The following POLR3B variants were observed in gnomAD, a reference collection of about 807,000 sequenced individuals.
POLR3B encodes RNA polymerase III subunit B.
A neutral mutation model predicts 147.4 loss-of-function variants in POLR3B; 96 were observed. The observed-to-expected ratio is 0.65, with a 90% CI of 0.55 to 0.77. The LOEUF is 0.77. Among genes scored for constraint, POLR3B ranks in the 30% least tolerant of loss-of-function variants. The probability of loss-of-function intolerance (pLI) is 0.00; values close to 1 mark genes in which losing one functional copy is unlikely to be tolerated. For synonymous variants in POLR3B, 461 were observed against 485.9 expected (o/e 0.95, Z 0.67); for missense variants, 1,036 against 1,413.5 (o/e 0.73, Z 4.28).
In POLR3B at chr12:106,370,476, A is replaced by G. The variant is rs556801887; in HGVS notation, c.404+793A>G. On this transcript the variant is annotated intron_variant, in intron 6 of 27. Coordinates refer to ENST00000228347, the MANE Select transcript of POLR3B (RefSeq NM_018082.6). ...TAGAAGTCCAGATTTTTATGGAAAC[A>G]TGCAGGTTTAACAAATCCTCCTATA... 1.5e-3 allele frequency among the ~76,000 whole-genome samples: 224 copies of G among 152,310 alleles called. 2 individuals are homozygous for G. The highest frequency in any genetic ancestry group is 2.7e-3 in the Non-Finnish European group (182 of 68,004).
In POLR3B at chr12:106,392,952, C is replaced by T. The variant is rs1338299823; in HGVS notation, c.724-79C>T. ...TTTGCTTAGAAGTAATACCCACAAA[C>T]AATGCCAAATTAGCATAAGCAAATG... is the stretch of plus-strand genomic sequence containing the variant. On this transcript the variant is annotated intron_variant, in intron 9 of 27. Coordinates refer to ENST00000228347, the MANE Select transcript of POLR3B (RefSeq NM_018082.6). The T allele has an allele frequency of 4.4e-6, 7 of 1,582,620 alleles. 1 individual carries two copies. In the Admixed American group the frequency reaches 5.1e-5, roughly 11 times the overall value.
chr12:106,495,412 A>G (rs2038464163), intron 23 of POLR3B, among the ~76,000 whole-genome samples: 1 of 152,188 alleles, frequency 6.6e-6, no homozygotes, highest in African/African-American at 2.4e-5. Flanking sequence ...TCAATCAAAG[A>G]TCACTTTCCT....
intron 9 of POLR3B, among the ~76,000 whole-genome samples, chr12:106,388,161 TTC>T (rs1354150056): frequency 1.3e-5 from 2 of 152,186 alleles, no homozygotes; most frequent in East Asian, 3.8e-4. Flanking sequence ...ACTACAAAGG[TTC>T]TCCTGCCCAT....
At chr12:106,402,072 C>G (rs1380775072) in intron 10 of POLR3B, among the ~76,000 whole-genome samples, 1 of 151,662 alleles carries the variant, frequency 6.6e-6, no homozygotes, top group Non-Finnish European at 1.5e-5. Context: ...CCCATCGTCT[C>G]AGCCCAAAAT....
At chr12:106,491,015 CAA>C (rs2038401230) in intron 23 of POLR3B, among the ~76,000 whole-genome samples, 1 of 152,178 alleles carries the variant, frequency 6.6e-6, no homozygotes, top group African/African-American at 2.4e-5. Flanking sequence ...CCTCTCCAGC[CAA>C]AGTTAGTGCA....
chr12:106,387,394 G>A (rs2036855529), intron 9 of POLR3B, among the ~76,000 whole-genome samples: 1 of 152,112 alleles, frequency 6.6e-6, no homozygotes, highest in South Asian at 2.1e-4. Context: ...ACCCTAGGAT[G>A]ACTGTTATAC....
At chr12:106,444,366 C>A in intron 18 of POLR3B, 97 bp from the exon 19 acceptor site, 2 of 1,157,632 alleles carry the variant, frequency 1.7e-6, no homozygotes, top group Non-Finnish European at 1.3e-6. Flanking sequence ...CATATAAATC[C>A]CTGGAGGACC....
At chr12:106,482,066 A>G (rs2038275059) in intron 23 of POLR3B, among the ~76,000 whole-genome samples, 1 of 152,236 alleles carries the variant, frequency 6.6e-6, no homozygotes, top group Non-Finnish European at 1.5e-5. Context: ...AGCATTAATC[A>G]TAGTTTGTCA....
intron 1 of POLR3B, among the ~76,000 whole-genome samples, chr12:106,361,781 G>A (rs1258582850): frequency 6.6e-6 from 1 of 152,152 alleles, no homozygotes; most frequent in Non-Finnish European, 1.5e-5. Context: ...TTTGCAGGGT[G>A]GCAGAGAAAA....
chr12:106,469,435 T>C (rs930810996), intron 23 of POLR3B, among the ~76,000 whole-genome samples: 2 of 152,206 alleles, frequency 1.3e-5, no homozygotes, highest in Non-Finnish European at 2.9e-5. Context: ...AATTGGGGCA[T>C]TTAGCCCATT....
intron 23 of POLR3B, among the ~76,000 whole-genome samples, chr12:106,481,848 T>G (rs2038272605): frequency 6.6e-6 from 1 of 152,230 alleles, no homozygotes; most frequent in South Asian, 2.1e-4. Context: ...CTTATAGAAC[T>G]GAAAATTATT....
At chr12:106,408,504 AAGCCCTCC>A (rs2136934555) in intron 11 of POLR3B, among the ~76,000 whole-genome samples, 1 of 152,304 alleles carries the variant, frequency 6.6e-6, no homozygotes, top group South Asian at 2.1e-4. Flanking sequence ...GTGTCTTAAC[AAGCCCTCC>A]AGATGATTCT....
intron 22 of POLR3B, among the ~76,000 whole-genome samples, chr12:106,462,934 A>G (rs1348961233): frequency 6.6e-6 from 1 of 151,804 alleles, no homozygotes; most frequent in Non-Finnish European, 1.5e-5. Flanking sequence ...ACCAGATACC[A>G]TTACTGCACT....
intron 13 of POLR3B, among the ~76,000 whole-genome samples, chr12:106,429,076 T>C (rs2037474148): frequency 6.6e-6 from 1 of 152,236 alleles, no homozygotes; most frequent in Non-Finnish European, 1.5e-5. Flanking sequence ...TGGCTTTTAT[T>C]GGGTCCTCTG....
At chr12:106,463,658 T>C (rs759335199) in intron 23 of POLR3B, 38 bp downstream of exon 23, 1 of 1,545,424 alleles carries the variant, frequency 6.5e-7, no homozygotes, top group Non-Finnish European at 8.9e-7. Flanking sequence ...TATAAAACAA[T>C]ATATGAATGT....
chr12:106,448,755 A>G (rs1341839484), intron 19 of POLR3B, among the ~76,000 whole-genome samples: 1 of 151,732 alleles, frequency 6.6e-6, no homozygotes, highest in Non-Finnish European at 1.5e-5. Context: ...TTTTTTAATT[A>G]CAATAATAAT....
Position 106,464,937 on chromosome 12 carries a change from T to G in POLR3B, c.2713+1317T>G, listed in dbSNP as rs186528599. Among the ~76,000 whole-genome samples the G allele has an allele frequency of 2.9e-3, 442 of 152,318 alleles. 1 individual carries two copies. Among genetic ancestry groups the G allele is most frequent in the African/African-American group, 9.1e-3 (378 of 41,570 alleles). Reference sequence around the variant, plus strand: ...TTTAGTTCTGTTGACAGAGGCAAGATTATTTTAGCCTGCCAATATTTTTAA... The same window carrying G: ...TTTAGTTCTGTTGACAGAGGCAAGAGTATTTTAGCCTGCCAATATTTTTAA... On this transcript the variant is annotated intron_variant, in intron 23 of 27. Transcript: ENST00000228347.
At chr12:106,432,793 A>G (rs1242328962) in intron 15 of POLR3B, among the ~76,000 whole-genome samples, 1 of 152,200 alleles carries the variant, frequency 6.6e-6, no homozygotes, top group East Asian at 1.9e-4. Flanking sequence ...GTACAAGTCA[A>G]ATATTGGAGT....
intron 10 of POLR3B, among the ~76,000 whole-genome samples, chr12:106,393,521 GTGTGTGTGTA>G (rs2036942436): frequency 6.7e-6 from 1 of 150,334 alleles, no homozygotes; most frequent in Admixed American, 6.6e-5. Context: ...GTGTGTGTGT[GTGTGTGTGTA>G]TGTGTGCATG....
Sources: gnomAD v4.1 joint callset for allele counts (sites outside exome capture counted in the v4.1 genomes callset) on GRCh38, gnomAD v4.1.1 for gene constraint, MANE v1.5 for transcripts, NCBI Gene and HGNC (gene_info 2026-07-23, HGNC 2026-07-21) for gene names.